The following TLN2 variants were observed in gnomAD, a reference collection of about 807,000 sequenced individuals.
TLN2 encodes the protein talin-2.
In TLN2, 118 loss-of-function variants were observed where a neutral mutation model predicts 294.7. That is an observed-to-expected ratio of 0.40 (90% CI 0.34 to 0.47). The LOEUF (loss-of-function observed/expected upper bound fraction) is 0.47. TLN2 is among the 20% of genes least tolerant of loss of function. The pLI is 0.84. For missense variants in TLN2, 3,083 were observed against 3,282.2 expected (o/e 0.94, Z 1.48); for synonymous variants, 1,431 against 1,304.5 (o/e 1.10, Z -2.09).
chr15:62,467,585 G>C (rs927299930), intron 1 of TLN2, among the ~76,000 whole-genome samples: 1 of 152,144 alleles, frequency 6.6e-6, no homozygotes, highest in South Asian at 2.1e-4. Flanking sequence ...CCAGCTACTC[G>C]AGAGACTGAG....
At chr15:62,780,114 C>T (rs1201551979) in intron 43 of TLN2, among the ~76,000 whole-genome samples, 1 of 152,242 alleles carries the variant, frequency 6.6e-6, no homozygotes, top group Non-Finnish European at 1.5e-5. Flanking sequence ...ACAGATGCAG[C>T]CTCATTCCCA....
intron 9 of TLN2, among the ~76,000 whole-genome samples, chr15:62,666,617 T>G (rs556036307): frequency 6.6e-6 from 1 of 152,254 alleles, no homozygotes; most frequent in Non-Finnish European, 1.5e-5. Context: ...GGTATTCTTT[T>G]GCAGCAACAC....
intron 28 of TLN2, among the ~76,000 whole-genome samples, chr15:62,736,045 G>A (rs1285170426): frequency 1.3e-5 from 2 of 152,180 alleles, no homozygotes; most frequent in Non-Finnish European, 2.9e-5. Flanking sequence ...GGGCGCAGTG[G>A]CTGACGCCTG....
In TLN2 at chr15:62,707,223, C is replaced by A. The variant is rs554515833; in HGVS notation, c.2142C>A (p.Leu714=). The A allele has an allele frequency of 4.3e-6, 7 of 1,612,910 alleles. No individual in the cohort carries two copies. The highest frequency in any genetic ancestry group is 5.9e-6 in the Non-Finnish European group (7 of 1,179,322). The change falls in exon 20 of 59, where the codon CTC becomes CTA. Residue 714 remains leucine (L), a synonymous_variant. Coordinates refer to ENST00000636159, the MANE Select transcript of TLN2 (RefSeq NM_015059.3). ...RVIAAATQCA[L]STSQLVACAK... The stretch of plus-strand genomic sequence containing the variant: ...TTGCTGCTGCCACCCAGTGTGCCCT[C>A]TCCACCTCCCAGCTTGTGGCATGTG...
At chr15:62,799,878 G>A (rs117795375) in intron 48 of TLN2, among the ~76,000 whole-genome samples, 2,923 of 152,308 alleles carry the variant, frequency 0.019, 52 homozygotes, top group Admixed American at 0.033. Flanking sequence ...GTCCGAAACA[G>A]GAATGAGTTG....
At chr15:62,497,336 G>A (rs951019923) in intron 1 of TLN2, among the ~76,000 whole-genome samples, 8 of 152,284 alleles carry the variant, frequency 5.3e-5, no homozygotes, top group Non-Finnish European at 8.8e-5. Flanking sequence ...ATTGGAAATT[G>A]GAGTACTTGA....
At chr15:62,558,715 G>A (rs899214624) in intron 1 of TLN2, among the ~76,000 whole-genome samples, 3 of 152,152 alleles carry the variant, frequency 2.0e-5, no homozygotes, top group Admixed American at 6.5e-5. Flanking sequence ...ACAACACTAA[G>A]GAAAAGGATT....
intron 53 of TLN2, 139 bp from the exon 54 acceptor site, chr15:62,820,347 C>A: frequency 5.0e-6 from 2 of 400,524 alleles, no homozygotes; most frequent in Non-Finnish European, 7.3e-6. Context: ...TTATGAGAGA[C>A]GGAAGGAAGG....
chr15:62,667,154 G>A (rs986763815), intron 9 of TLN2, among the ~76,000 whole-genome samples: 5 of 152,064 alleles, frequency 3.3e-5, no homozygotes, highest in African/African-American at 1.2e-4. Flanking sequence ...TTTTAGTAGA[G>A]ACGGGGTTTC....
chr15:62,449,931 C>G (rs1270748718), intron 1 of TLN2, among the ~76,000 whole-genome samples: 1 of 152,112 alleles, frequency 6.6e-6, no homozygotes, highest in Admixed American at 6.6e-5. Flanking sequence ...TACTCCCTTG[C>G]TTCCTTCTTG....
At chr15:62,618,158 G>C (rs2048466272) in intron 2 of TLN2, among the ~76,000 whole-genome samples, 193 bp from the exon 3 acceptor site, 2 of 148,784 alleles carry the variant, frequency 1.3e-5, no homozygotes, top group African/African-American at 5.0e-5. Flanking sequence ...GTGGATCATA[G>C]TGGCCCAAGA....
At chr15:62,795,284 TG>T (rs900218338) in intron 46 of TLN2, among the ~76,000 whole-genome samples, 2 of 151,916 alleles carry the variant, frequency 1.3e-5, no homozygotes, top group African/African-American at 4.8e-5. Context: ...TGGGAGTGTT[TG>T]GGAAAGTCAG....
chr15:62,776,565 G>A (rs547692657), intron 42 of TLN2, among the ~76,000 whole-genome samples, 199 bp from the exon 43 acceptor site: 1 of 152,204 alleles, frequency 6.6e-6, no homozygotes, highest in East Asian at 1.9e-4. Context: ...TGTAAAAAGA[G>A]ATCTTTTTCT....
intron 1 of TLN2, among the ~76,000 whole-genome samples, chr15:62,494,077 C>T (rs545936083): frequency 6.6e-6 from 1 of 152,234 alleles, no homozygotes; most frequent in East Asian, 1.9e-4. Flanking sequence ...GGAAGCCATG[C>T]AGGAGACTGG....
intron 36 of TLN2, chr15:62,755,090 G>A (rs1175099404): frequency 6.5e-6 from 1 of 153,628 alleles, no homozygotes; most frequent in Non-Finnish European, 1.4e-5. Context: ...TTGGTTATAT[G>A]ATGAAATATT....
intron 1 of TLN2, among the ~76,000 whole-genome samples, chr15:62,539,859 T>C (rs980710518): frequency 3.3e-5 from 5 of 151,504 alleles, no homozygotes; most frequent in African/African-American, 4.9e-5. Context: ...CAGAAGACCA[T>C]TAACTGATGA....
At chr15:62,724,889 C>A in intron 26 of TLN2, 87 bp from the exon 27 acceptor site, 1 of 1,505,404 alleles carries the variant, frequency 6.6e-7, no homozygotes. Context: ...CTGGGTATAT[C>A]CAGAAGGGCA....
chr15:62,829,199 G>A (rs911144069), intron 54 of TLN2: 8 of 149,274 alleles, frequency 5.4e-5, no homozygotes, highest in African/African-American at 2.0e-4. Flanking sequence ...CATGAGATGT[G>A]TTGTTACAGG....
Position 62,708,765 on chromosome 15 carries a change from C to G in TLN2, c.2436C>G (p.Thr812=), listed in dbSNP as rs746756049. 4.4e-6 allele frequency: 7 copies of G among 1,606,480 alleles called. No individual in the cohort carries two copies. The highest frequency in any genetic ancestry group is 5.9e-6 in the Non-Finnish European group (7 of 1,179,892). Reference sequence around the variant, plus strand: ...CTACTGACACCATCATGTGTGTCACCGAGAGCATCTTCAGCTCCATGGGTG... The same window carrying G: ...CTACTGACACCATCATGTGTGTCACGGAGAGCATCTTCAGCTCCATGGGTG... ...DQATDTIMCV[T]ESIFSSMGDA... is the part of the protein sequence containing the mutation. The change falls in exon 21 of 59, where the codon ACC becomes ACG. Residue 812 remains threonine (T), a synonymous_variant. Transcript: ENST00000636159.
Sources: gnomAD v4.1 joint callset for allele counts (sites outside exome capture counted in the v4.1 genomes callset) on GRCh38, gnomAD v4.1.1 for gene constraint, MANE v1.5 for transcripts, NCBI Gene and HGNC (gene_info 2026-07-23, HGNC 2026-07-21) for gene names.